Variants in PTPRD observed in about 807,000 individuals in gnomAD.
PTPRD encodes the protein receptor-type tyrosine-protein phosphatase delta.
In PTPRD, 34 loss-of-function variants were observed where a neutral mutation model predicts 214.5. The observed-to-expected ratio is 0.16, with a 90% confidence interval of 0.12 to 0.21. PTPRD has a LOEUF of 0.21. PTPRD is among the 10% of genes least tolerant of loss of function. The probability of loss-of-function intolerance (pLI) is 1.00; values close to 1 mark genes in which losing one functional copy is unlikely to be tolerated. For synonymous variants in PTPRD, 1,128 were observed against 845.7 expected (o/e 1.33, Z -5.79); for missense variants, 2,545 against 2,398.7 (o/e 1.06, Z -1.27).
At chr9:9,665,373 A>C (rs532263437) in intron 7 of PTPRD, among the ~76,000 whole-genome samples, 1 of 151,946 alleles carries the variant, frequency 6.6e-6, no homozygotes, top group Non-Finnish European at 1.5e-5. Flanking sequence ...GCATCAGAGT[A>C]TTTTTAAAGG....
intron 3 of PTPRD, among the ~76,000 whole-genome samples, chr9:10,086,151 A>C (rs2098333722): frequency 6.6e-6 from 1 of 151,826 alleles, no homozygotes; most frequent in Non-Finnish European, 1.5e-5. Flanking sequence ...AGGGCTAAAA[A>C]TGGGTGTATT....
At chr9:10,394,763 G>C (rs1215017409) in intron 2 of PTPRD, among the ~76,000 whole-genome samples, 1 of 123,628 alleles carries the variant, frequency 8.1e-6, no homozygotes, top group African/African-American at 3.2e-5. Context: ...TAATAATTTA[G>C]ATTTTTGATT....
rs200840097 is a variant in PTPRD, at chr9:8,500,821, C to A, written c.2061G>T (p.Val687=). 7.4e-6 allele frequency: 12 copies of A among 1,614,132 alleles called. No individual in the cohort carries two copies. Among genetic ancestry groups the A allele is most frequent in the Non-Finnish European group, 1.0e-5 (12 of 1,180,010 alleles). ...CAGGGCCGACATCTGTATGGGCTGT[C>A]ACAGTGATCCGGTATTCAGTCCATT... ...LEKWTEYRIT[V]TAHTDVGPGP... is the part of the protein sequence containing the mutation. The change falls in exon 24 of 46, where the codon GTG becomes GTT. Residue 687 remains valine (V), a synonymous_variant. Transcript: ENST00000381196.
At chr9:9,990,851 C>A (rs1353751141) in intron 4 of PTPRD, among the ~76,000 whole-genome samples, 2 of 152,048 alleles carry the variant, frequency 1.3e-5, no homozygotes, top group South Asian at 4.1e-4. Context: ...CTATGAGGGT[C>A]CTCAAGAGAG....
chr9:9,486,548 TTTTTC>T (rs573231768), intron 8 of PTPRD, among the ~76,000 whole-genome samples: 1 of 152,100 alleles, frequency 6.6e-6, no homozygotes, highest in African/African-American at 2.4e-5. Flanking sequence ...GCCTTCTTAG[TTTTTC>T]TTTTCTTTTT....
intron 2 of PTPRD, among the ~76,000 whole-genome samples, chr9:10,488,099 G>C (rs1224247415): frequency 6.6e-6 from 1 of 151,740 alleles, no homozygotes; most frequent in East Asian, 2.0e-4. Context: ...TGGGCATGGT[G>C]GCTCGCGCCT....
intron 2 of PTPRD, among the ~76,000 whole-genome samples, chr9:10,372,486 C>A (rs1370678544): frequency 6.6e-6 from 1 of 152,002 alleles, no homozygotes; most frequent in African/African-American, 2.4e-5. Flanking sequence ...TAAAAGAGTG[C>A]CGCCTTGTTC....
chr9:9,783,230 A>G (rs544661968), intron 5 of PTPRD, among the ~76,000 whole-genome samples: 9 of 152,308 alleles, frequency 5.9e-5, no homozygotes, highest in Non-Finnish European at 1.2e-4. Context: ...TTTCCCCATT[A>G]TAGGAGATGT....
chr9:8,404,369 T>A (rs1027519816), intron 36 of PTPRD, among the ~76,000 whole-genome samples, 168 bp downstream of exon 36: 2 of 152,194 alleles, frequency 1.3e-5, no homozygotes, highest in Admixed American at 6.5e-5. Context: ...CCTCAGGCGA[T>A]CCACCCGCCT....
intron 2 of PTPRD, among the ~76,000 whole-genome samples, chr9:10,570,539 T>A (rs1591180590): frequency 6.6e-6 from 1 of 152,024 alleles, no homozygotes; most frequent in South Asian, 2.1e-4. Flanking sequence ...CTGAAGAACT[T>A]AGATCAGGTT....
At chr9:8,692,228 A>T (rs1191492708) in intron 12 of PTPRD, among the ~76,000 whole-genome samples, 1 of 152,250 alleles carries the variant, frequency 6.6e-6, no homozygotes, top group Non-Finnish European at 1.5e-5. Flanking sequence ...TGTTATAAAC[A>T]GTCTACCATC....
intron 9 of PTPRD, among the ~76,000 whole-genome samples, chr9:9,211,511 G>GCA (rs1309148181): frequency 5.6e-5 from 6 of 107,922 alleles, no homozygotes; most frequent in Non-Finnish European, 1.2e-4. Flanking sequence ...CCCAGTGTGC[G>GCA]CACGCACACA....
intron 4 of PTPRD, among the ~76,000 whole-genome samples, chr9:9,959,829 G>T (rs1021432001): frequency 6.6e-6 from 1 of 152,150 alleles, no homozygotes; most frequent in Non-Finnish European, 1.5e-5. Context: ...GAGGAAGCTA[G>T]AATGACTTAT....
chr9:9,010,309 G>T (rs991403470), intron 11 of PTPRD, among the ~76,000 whole-genome samples: 1 of 152,258 alleles, frequency 6.6e-6, no homozygotes, highest in South Asian at 2.1e-4. Flanking sequence ...TAATACAAAT[G>T]GGACAACATT....
chr9:10,454,075 C>A (rs58088111), intron 2 of PTPRD, among the ~76,000 whole-genome samples: 8,164 of 151,224 alleles, frequency 0.054, 673 homozygotes, highest in African/African-American at 0.18. Flanking sequence ...CCTATAATAA[C>A]GAAAGCCATC....
chr9:10,160,314 C>A (rs1376508266), intron 3 of PTPRD, among the ~76,000 whole-genome samples: 1 of 151,900 alleles, frequency 6.6e-6, no homozygotes, highest in Non-Finnish European at 1.5e-5. Context: ...TATTGAGAAC[C>A]TCAACAAACC....
intron 2 of PTPRD, among the ~76,000 whole-genome samples, chr9:10,583,218 G>A (rs1169534434): frequency 6.6e-6 from 1 of 152,200 alleles, no homozygotes; most frequent in South Asian, 2.1e-4. Flanking sequence ...GAAGAAGGAA[G>A]TTCACGAGGA....
At chr9:10,447,864 G>C (rs1480337034) in intron 2 of PTPRD, among the ~76,000 whole-genome samples, 45 of 151,916 alleles carry the variant, frequency 3.0e-4, no homozygotes, top group Admixed American at 2.9e-3. Context: ...GGTGAATTAG[G>C]ATACTCAGAA....
intron 21 of PTPRD, among the ~76,000 whole-genome samples, chr9:8,511,068 T>A (rs1237985684): frequency 8.5e-5 from 13 of 152,080 alleles, no homozygotes; most frequent in Non-Finnish European, 1.5e-4. Flanking sequence ...ACATTTTATT[T>A]ATATATTTAT....
Sources: allele counts gnomAD v4.1 joint callset (sites outside exome capture counted in the v4.1 genomes callset), GRCh38; gene constraint gnomAD v4.1.1; transcripts MANE v1.5; gene names NCBI Gene and HGNC (gene_info 2026-07-23, HGNC 2026-07-21).